GPR157: variants seen among roughly 807,000 people sequenced by gnomAD.
GPR157 encodes the protein G-protein coupled receptor 157.
A neutral mutation model predicts 23.5 loss-of-function variants in GPR157; 16 were observed. The ratio of observed to expected loss-of-function variants is 0.68; its 90% confidence interval spans 0.46 to 1.04. The LOEUF (loss-of-function observed/expected upper bound fraction) is 1.04, where lower values mean the gene tolerates loss of function less well. Among genes scored for constraint, GPR157 ranks in the 50% least tolerant of loss-of-function variants. The pLI is 0.00. For missense variants in GPR157, 440 were observed against 460.7 expected, an observed-to-expected ratio of 0.96 and a Z score of 0.41; for synonymous variants, 200 against 221.5, an observed-to-expected ratio of 0.90 and a Z score of 0.86.
chr1:9,114,590 C>T (rs890615352), intron 1 of GPR157, among the ~76,000 whole-genome samples: 7 of 152,048 alleles, frequency 4.6e-5, no homozygotes, highest in African/African-American at 1.2e-4. Context: ...CTCTGCATCC[C>T]GACGGGCCCT....
At chr1:9,124,159 T>A (rs1008005654) in intron 1 of GPR157, among the ~76,000 whole-genome samples, 4 of 152,100 alleles carry the variant, frequency 2.6e-5, no homozygotes, top group Admixed American at 2.6e-4. Context: ...AAATTGTATC[T>A]CAGTTTTTAA....
rs555256279 is a variant in GPR157 at position 9,115,247 on chromosome 1, T to C, written c.384-3758A>G. ...GTATGCATGTTTACACACACACACA[T>C]ATAAATGTATAAATTTCACCTGCAG... On this transcript the variant is annotated intron_variant, in intron 1 of 3. Coordinates refer to ENST00000377411, the MANE Select transcript of GPR157 (RefSeq NM_024980.5). 3.3e-5 allele frequency among the ~76,000 whole-genome samples: 5 copies of C among 152,334 alleles called. No individual in the cohort carries two copies. In the East Asian group the frequency reaches 5.8e-4, roughly 18 times the overall value.
At chr1:9,108,479 T>A (rs1301183094) in intron 2 of GPR157, among the ~76,000 whole-genome samples, 1 of 152,138 alleles carries the variant, frequency 6.6e-6, no homozygotes, top group Non-Finnish European at 1.5e-5. Flanking sequence ...ACAAAGGGCA[T>A]CTGTAGAGGA....
In GPR157 at chr1:9,101,571, C is replaced by G. The variant is rs537191232; in HGVS notation, c.*2848G>C. 5 of 152,364 alleles carry G rather than the reference C, an allele frequency of 3.3e-5. No homozygotes were observed. Among genetic ancestry groups the G allele is most frequent in the African/African-American group, 1.2e-4 (5 of 41,588 alleles). 9.4% of individuals were successfully genotyped at this position (152,364 alleles called of 1,614,324 possible). Reference sequence around the variant, plus strand: ...ATTCACAGTGATCACTCATCTGTGGCAAGAGGTGGGCAGCGGAGGAAGCTG... The same window carrying G: ...ATTCACAGTGATCACTCATCTGTGGGAAGAGGTGGGCAGCGGAGGAAGCTG... On this transcript the variant is annotated 3_prime_UTR_variant, in exon 4 of 4. Coordinates refer to ENST00000377411, the MANE Select transcript of GPR157 (RefSeq NM_024980.5).
At position 9,105,421 on chromosome 1, in the gene GPR157, G is replaced by A; in HGVS notation, c.792+65C>T. The A allele has an allele frequency of 7.1e-6, 10 of 1,416,982 alleles. No individual in the cohort carries two copies. The highest frequency in any genetic ancestry group is 9.5e-6 in the Non-Finnish European group (10 of 1,050,488). 87.8% of individuals were successfully genotyped at this position (1,416,982 alleles called of 1,614,324 possible). ...ACTGGGGTGCAGCCACTGTGCTGCG[G>A]GAAGGAATCAGGCTGTGCCTCCTCT... On this transcript the variant is annotated intron_variant, in intron 3 of 3. Transcript: ENST00000377411. The surrounding 1 kb of genome is among the most constrained non-coding windows in gnomAD (Gnocchi z 4.8).
chr1:9,115,442 G>A (rs989250586), intron 1 of GPR157, among the ~76,000 whole-genome samples: 2 of 152,116 alleles, frequency 1.3e-5, no homozygotes, highest in African/African-American at 4.8e-5. Flanking sequence ...AGAGCGCTCC[G>A]TGGCATGAAG....
At chr1:9,110,939 G>T (rs572246190) in intron 2 of GPR157, among the ~76,000 whole-genome samples, 6 of 152,308 alleles carry the variant, frequency 3.9e-5, no homozygotes, top group African/African-American at 1.4e-4. Flanking sequence ...GTCCACCAGG[G>T]GGCAGGAGAG....
Position 9,104,271 on chromosome 1 carries a change from C to CA in GPR157, c.*147dup. ...TAGGAGGTAGAAGAAGCTGAGTTGGCAGCTGCTCTCCCAATGGAGCCGAGA... is the reference window on the plus strand; with the variant it reads ...TAGGAGGTAGAAGAAGCTGAGTTGGCAAGCTGCTCTCCCAATGGAGCCGAGA... On this transcript the variant is annotated 3_prime_UTR_variant, in exon 4 of 4. Coordinates refer to ENST00000377411, the MANE Select transcript of GPR157 (RefSeq NM_024980.5). 1 of 624,186 alleles carries CA rather than the reference C, an allele frequency of 1.6e-6. No individual in the cohort carries two copies. The highest frequency in any genetic ancestry group is 4.3e-4 in the Middle Eastern group (1 of 2,312). 38.7% of individuals were successfully genotyped at this position (624,186 alleles called of 1,614,324 possible). A position where few individuals can be genotyped will look rare whatever the true frequency, so the allele number is the denominator to read the frequency against.
At chr1:9,123,564 A>AAATATATCTAATTTAAAT (rs1363787461) in intron 1 of GPR157, among the ~76,000 whole-genome samples, 72 of 109,660 alleles carry the variant, frequency 6.6e-4, no homozygotes, top group Non-Finnish European at 1.1e-3. Context: ...TATATATTTA[A>AAATATATCTAATTTAAAT]ATATATTTTA....
chr1:9,106,788 A>G (rs1424394888), intron 2 of GPR157, among the ~76,000 whole-genome samples: 1 of 151,984 alleles, frequency 6.6e-6, no homozygotes, highest in East Asian at 1.9e-4. Flanking sequence ...ACATGGTGAA[A>G]CCCCATCTGT....
chr1:9,126,978 C>T (rs762573523), intron 1 of GPR157, among the ~76,000 whole-genome samples: 14 of 151,764 alleles, frequency 9.2e-5, no homozygotes, highest in Non-Finnish European at 1.8e-4. Context: ...CTCGACCTCC[C>T]AGGCTCAAGC....
At chr1:9,122,242 G>A (rs893922244) in intron 1 of GPR157, among the ~76,000 whole-genome samples, 1 of 152,308 alleles carries the variant, frequency 6.6e-6, no homozygotes, top group Middle Eastern at 3.4e-3. Flanking sequence ...GAAAGTCAAA[G>A]ACAAGGACGT....
chr1:9,113,759 C>A (rs144287499), intron 1 of GPR157, among the ~76,000 whole-genome samples: 1,958 of 151,978 alleles, frequency 0.013, 32 homozygotes, highest in African/African-American at 0.044. Flanking sequence ...GCCTGGCCAA[C>A]ATAGTGAAAC....
intron 1 of GPR157, among the ~76,000 whole-genome samples, chr1:9,122,359 C>T (rs1157528171): frequency 6.6e-6 from 1 of 152,162 alleles, no homozygotes; most frequent in African/African-American, 2.4e-5. Flanking sequence ...AAAGCAACTG[C>T]CACCAAAAAA....
rs778230806 is a variant in GPR157 at position 9,128,763 on chromosome 1, C to A, written c.265G>T (p.Ala89Ser). 10 of 1,612,364 alleles carry A rather than the reference C, an allele frequency of 6.2e-6. No individual in the cohort carries two copies. The East Asian group carries it at 2.2e-4, about 36-fold the overall frequency. ...GTCCAGAAGAAGGAGCTGGTGTTGG[C>A]GAAGGTGGACAGCGCGCCCTGCAGC... is the stretch of plus-strand genomic sequence containing the variant. ...CVLQGALSTF[A>S]NTSSFFWTVA... is the part of the protein sequence containing the mutation. The change falls in exon 1 of 4, where the codon GCC becomes TCC. Residue 89 changes from alanine to serine, a missense_variant. By Grantham distance (99) the Ala-to-Ser change is moderately conservative. Transcript: ENST00000377411. The surrounding 1 kb of genome is among the most constrained non-coding windows in gnomAD (Gnocchi z 6.3).
At position 9,120,229 on chromosome 1, in the gene GPR157, C is replaced by G. The variant is rs1009715194; in HGVS notation, c.383+8416G>C. On this transcript the variant is annotated intron_variant, in intron 1 of 3. Coordinates refer to ENST00000377411, the MANE Select transcript of GPR157 (RefSeq NM_024980.5). This position sits in a 1 kb window ranked among gnomAD's most constrained non-coding sequence, Gnocchi z 4.1. The stretch of plus-strand genomic sequence containing the variant: ...TGAAGGGGGCTCAAGGCAGAGTCTG[C>G]TCAATCACCTGCCCCCACCCTGGGA... 5.3e-5 allele frequency among the ~76,000 whole-genome samples: 8 copies of G among 152,112 alleles called. No homozygotes were observed. The highest frequency in any genetic ancestry group is 8.8e-5 in the Non-Finnish European group (6 of 68,006).
At chr1:9,126,400 T>C (rs1190681454) in intron 1 of GPR157, among the ~76,000 whole-genome samples, 4 of 152,212 alleles carry the variant, frequency 2.6e-5, no homozygotes, top group Non-Finnish European at 5.9e-5. Flanking sequence ...CCTTTGTCCA[T>C]TTTTCAGGAT....
chr1:9,105,281 C>T lies in GPR157; in HGVS notation c.792+205G>A, dbSNP rs1638263896. Among the ~76,000 whole-genome samples, 1 of 152,152 alleles carries T rather than the reference C, an allele frequency of 6.6e-6. No individual in the cohort carries two copies. The highest frequency in any genetic ancestry group is 2.1e-4 in the South Asian group (1 of 4,830). On this transcript the variant is annotated intron_variant, in intron 3 of 3. Coordinates refer to ENST00000377411, the MANE Select transcript of GPR157 (RefSeq NM_024980.5). The surrounding 1 kb of genome is among the most constrained non-coding windows in gnomAD (Gnocchi z 4.8). Reference sequence around the variant, plus strand: ...TAGGTCACTGGTGAGCACCTCACCACCCCGGACCACACTGATCCCACTCTG... The same window carrying T: ...TAGGTCACTGGTGAGCACCTCACCATCCCGGACCACACTGATCCCACTCTG...
In GPR157 at chr1:9,111,283, T is replaced by G. The variant is rs745803106; in HGVS notation, c.590A>C (p.Asn197Thr). ...LLYLLVRKHI[N>T]RAHTALSEYR... is the part of the protein sequence containing the mutation. ...TCTAAGGGCAGCGCCTACCGCTCTG[T>G]TGATGTGCTTCCGGACCAGGAGGTA... The change falls in exon 2 of 4, where the codon AAC becomes ACC. Residue 197 changes from asparagine (N) to threonine (T), a missense_variant. Coordinates refer to ENST00000377411, the MANE Select transcript of GPR157 (RefSeq NM_024980.5). The G allele has an allele frequency of 9.9e-6, 16 of 1,614,028 alleles. No individual in the cohort carries two copies. The highest frequency in any genetic ancestry group is 5.3e-5 in the African/African-American group (4 of 74,948).
Sources: gnomAD v4.1 joint callset for allele counts (sites outside exome capture counted in the v4.1 genomes callset) on GRCh38, gnomAD v4.1.1 for gene constraint, Gnocchi (gnomAD v3.1) non-coding constraint, MANE v1.5 for transcripts, NCBI Gene and HGNC (gene_info 2026-07-23, HGNC 2026-07-21) for gene names.